Variants in FUT8 observed in about 807,000 individuals in gnomAD.
FUT8 encodes the protein alpha-(1,6)-fucosyltransferase.
Under a neutral mutation model 71.3 loss-of-function variants are expected in FUT8, and 29 were observed. The ratio of observed to expected loss-of-function variants is 0.41; its 90% CI spans 0.30 to 0.55. The LOEUF (loss-of-function observed/expected upper bound fraction) is 0.55. Among genes scored for constraint, FUT8 ranks in the 20% least tolerant of loss-of-function variants. The pLI is 0.34. For missense variants in FUT8, 544 were observed against 702.1 expected (o/e 0.77, Z 2.55); for synonymous variants, 254 against 239.3 (o/e 1.06, Z -0.57).
intron 6 of FUT8, among the ~76,000 whole-genome samples, chr14:65,653,960 A>G (rs980206737): frequency 6.6e-6 from 1 of 152,218 alleles, no homozygotes; most frequent in Non-Finnish European, 1.5e-5. Flanking sequence ...AGACTTGCGT[A>G]AAAAAGGAAG....
At chr14:65,384,972 A>T in the FUT8 span, among the ~76,000 whole-genome samples, 34 of 148,554 alleles carry the variant, frequency 2.3e-4, no homozygotes, top group African/African-American at 7.2e-4. The surrounding 1 kb of genome is among the most constrained non-coding windows in gnomAD (Gnocchi z 4.2). Flanking sequence ...GCTCACCGCA[A>T]CCTCCACTGC....
At chr14:65,440,202 A>G (rs2065633013) in intron 1 of FUT8, among the ~76,000 whole-genome samples, 1 of 151,874 alleles carries the variant, frequency 6.6e-6, no homozygotes, top group African/African-American at 2.4e-5. Flanking sequence ...AGGAGCTGTC[A>G]GCTGGGGAGA....
At chr14:65,418,148 G>A (rs1048214755) in intron 1 of FUT8, among the ~76,000 whole-genome samples, 2 of 152,170 alleles carry the variant, frequency 1.3e-5, no homozygotes, top group African/African-American at 2.4e-5. Flanking sequence ...TAAACTTCAT[G>A]ATATAAACTT....
chr14:65,726,447 G>C (rs1594941707), intron 9 of FUT8, among the ~76,000 whole-genome samples: 1 of 152,200 alleles, frequency 6.6e-6, no homozygotes, highest in East Asian at 1.9e-4. Flanking sequence ...CTTGGTAGAA[G>C]GTGAAAGGCA....
At chr14:65,517,445 T>C (rs941855047) in intron 2 of FUT8, among the ~76,000 whole-genome samples, 3 of 152,166 alleles carry the variant, frequency 2.0e-5, no homozygotes, top group African/African-American at 7.2e-5. Flanking sequence ...GCATATGCTT[T>C]TTGAAGCTGA....
chr14:65,570,569 A>G (rs1009765243), intron 3 of FUT8, among the ~76,000 whole-genome samples: 2 of 152,064 alleles, frequency 1.3e-5, no homozygotes, highest in Admixed American at 6.6e-5. Flanking sequence ...AGTGTTGCTG[A>G]CATACACGAT....
intron 6 of FUT8, among the ~76,000 whole-genome samples, chr14:65,646,914 G>GT (rs1813541891): frequency 6.6e-6 from 1 of 152,206 alleles, no homozygotes; most frequent in African/African-American, 2.4e-5. Flanking sequence ...ATATTGTTCT[G>GT]TGGTAGGTTG....
intron 7 of FUT8, among the ~76,000 whole-genome samples, chr14:65,672,541 C>G (rs1215901155): frequency 6.6e-6 from 1 of 152,172 alleles, no homozygotes; most frequent in Non-Finnish European, 1.5e-5. Flanking sequence ...CTCACTGCAG[C>G]CTCGAACTCC....
At chr14:65,710,548 A>T (rs1247786982) in intron 7 of FUT8, among the ~76,000 whole-genome samples, 1 of 152,158 alleles carries the variant, frequency 6.6e-6, no homozygotes, top group South Asian at 2.1e-4. Context: ...TTTACTAGAC[A>T]GTAGCGTGTA....
intron 6 of FUT8, among the ~76,000 whole-genome samples, chr14:65,659,683 TCTTCCC>T (rs1253324496): frequency 6.6e-6 from 1 of 152,062 alleles, no homozygotes. Flanking sequence ...ACCCTCTTCC[TCTTCCC>T]CTTTCTGTCC....
chr14:65,591,156 A>C (rs561158850), intron 3 of FUT8, among the ~76,000 whole-genome samples: 1 of 152,166 alleles, frequency 6.6e-6, no homozygotes, highest in African/African-American at 2.4e-5. Context: ...GTGTGAATAC[A>C]TTTAAGTTAT....
chr14:65,393,344 G>C, the FUT8 span, among the ~76,000 whole-genome samples: 1 of 152,214 alleles, frequency 6.6e-6, no homozygotes, highest in Non-Finnish European at 1.5e-5. Flanking sequence ...AAGAGATTCT[G>C]TGCTGTGGAA....
At chr14:65,419,637 A>G (rs575944673) in intron 1 of FUT8, among the ~76,000 whole-genome samples, 8 of 152,312 alleles carry the variant, frequency 5.3e-5, no homozygotes, top group African/African-American at 1.9e-4. Flanking sequence ...AAAAGATTGT[A>G]ATTTTGAGAA....
the FUT8 span, among the ~76,000 whole-genome samples, chr14:65,359,529 G>A: frequency 1.3e-5 from 2 of 151,886 alleles, no homozygotes; most frequent in African/African-American, 4.8e-5. Context: ...TCTGGCAACC[G>A]CTATTCTACT....
At chr14:65,478,775 C>T (rs2066285654) in intron 2 of FUT8, among the ~76,000 whole-genome samples, 1 of 152,178 alleles carries the variant, frequency 6.6e-6, no homozygotes, top group Non-Finnish European at 1.5e-5. Context: ...TCTTTGTCTT[C>T]CGTGTTCAGC....
chr14:65,727,215 C>CAG (rs567365885), intron 9 of FUT8, among the ~76,000 whole-genome samples: 81 of 152,196 alleles, frequency 5.3e-4, no homozygotes, highest in African/African-American at 1.9e-3. Context: ...CCTCTTCTAA[C>CAG]AGCTCCACTA....
chr14:65,726,973 G>A lies in FUT8; in HGVS notation c.1259+2650G>A, dbSNP rs544613340. Among the ~76,000 whole-genome samples, 30 of 152,282 alleles carry A rather than the reference G, an allele frequency of 2.0e-4. No individual in the cohort carries two copies. In the South Asian group the frequency reaches 3.3e-3, roughly 17 times the overall value. Reference sequence around the variant, plus strand: ...AAGTCCGAAATCCAGTGGGGCAGTCGAATGTTAAAGCTTCAAAATGATCTC... The same window carrying A: ...AAGTCCGAAATCCAGTGGGGCAGTCAAATGTTAAAGCTTCAAAATGATCTC... On this transcript the variant is annotated intron_variant, in intron 9 of 10. Transcript: ENST00000673929.
intron 3 of FUT8, among the ~76,000 whole-genome samples, chr14:65,587,534 A>G (rs1212601833): frequency 6.6e-6 from 1 of 152,218 alleles, no homozygotes; most frequent in Non-Finnish European, 1.5e-5. Context: ...ATAGGCTGAA[A>G]AATTTTACCA....
At chr14:65,377,806 A>C in the FUT8 span, among the ~76,000 whole-genome samples, 44 of 152,158 alleles carry the variant, frequency 2.9e-4, no homozygotes, top group Non-Finnish European at 5.9e-4. Flanking sequence ...CATCAGGAGA[A>C]CCAGTTGTGA....
Sources: gnomAD v4.1 joint callset for allele counts (sites outside exome capture counted in the v4.1 genomes callset) on GRCh38, gnomAD v4.1.1 for gene constraint, Gnocchi (gnomAD v3.1) non-coding constraint, MANE v1.5 for transcripts, NCBI Gene and HGNC (gene_info 2026-07-23, HGNC 2026-07-21) for gene names.